VRTN: variants seen among roughly 807,000 people sequenced by gnomAD.
VRTN encodes vertebrae development associated, also known as vertnin.
In VRTN, 5 loss-of-function variants were observed where a neutral mutation model predicts 18.2. That is an observed-to-expected ratio of 0.27 (90% CI 0.14 to 0.58). The LOEUF (loss-of-function observed/expected upper bound fraction) is 0.58. Ranked by LOEUF, VRTN falls within the 20% of genes least tolerant of loss-of-function variation. The probability of loss-of-function intolerance (pLI) is 0.91; values close to 1 mark genes in which losing one functional copy is unlikely to be tolerated. For missense variants in VRTN, 741 were observed against 939.4 expected (o/e 0.79, Z 2.76); for synonymous variants, 381 against 393.7 (o/e 0.97, Z 0.38).
chr14:74,324,979 G>A (rs1379844692), intron 1 of VRTN, among the ~76,000 whole-genome samples: 4 of 151,818 alleles, frequency 2.6e-5, no homozygotes, highest in African/African-American at 9.7e-5. Flanking sequence ...TTCCCCAAAT[G>A]AGCAAACTAG....
chr14:74,315,152 G>A (rs761563924), intron 1 of VRTN, among the ~76,000 whole-genome samples: 9 of 152,186 alleles, frequency 5.9e-5, no homozygotes, highest in Non-Finnish European at 1.2e-4. Flanking sequence ...GCATGCCAAA[G>A]TGCCATACTT....
rs897041150 is a variant in VRTN at position 74,359,467 on chromosome 14, G to A, written c.*575G>A. 1 of 167,296 alleles carries A rather than the reference G, an allele frequency of 6.0e-6. No homozygotes were observed. The highest frequency in any genetic ancestry group is 1.5e-5 in the Non-Finnish European group (1 of 68,448). 10.4% of individuals were successfully genotyped at this position (167,296 alleles called of 1,614,324 possible). On this transcript the variant is annotated 3_prime_UTR_variant, in exon 2 of 2. Transcript: ENST00000256362. ...GGAGGCCAAGGCAGGAGGATCACTT[G>A]AGGCTAGGAGTTAGAGACCACCCTG...
At chr14:74,318,270 A>AT (rs78501021) in intron 1 of VRTN, among the ~76,000 whole-genome samples, 124 of 134,286 alleles carry the variant, frequency 9.2e-4, no homozygotes, top group Middle Eastern at 3.9e-3. Flanking sequence ...CGCCTGGCTA[A>AT]TTTTTTTTTT....
chr14:74,303,837 T>C (rs2085207635), intron 1 of VRTN, among the ~76,000 whole-genome samples: 1 of 145,458 alleles, frequency 6.9e-6, no homozygotes, highest in African/African-American at 2.6e-5. Context: ...CAGTTGACAA[T>C]TACAGATTTT....
chr14:74,358,317 C>A lies in VRTN; in HGVS notation c.1534C>A (p.Arg512Ser). The stretch of plus-strand genomic sequence containing the variant: ...CCTGTCCCGTTGGCAGAGGCGTCTG[C>A]GCAGGGCTGCCCGCAGGCAGGTGCT... ...MPLSRWQRRL[R>S]RAARRQVLSG... Residue 512 changes from arginine to serine, a missense_variant, in exon 2 of 2, where the codon CGC (arginine) becomes AGC (serine). By Grantham distance (110) the Arg-to-Ser change is moderately radical (BLOSUM62 -1). Transcript: ENST00000256362. This position sits in a 1 kb window ranked among gnomAD's most constrained non-coding sequence, Gnocchi z 5.4. 1 of 1,612,914 alleles carries A rather than the reference C, an allele frequency of 6.2e-7. No homozygotes were observed. Among genetic ancestry groups the A allele is most frequent in the Non-Finnish European group, 8.5e-7 (1 of 1,179,598 alleles).
upstream of VRTN, chr14:74,303,007 G>A: frequency 7.7e-7 from 1 of 1,300,132 alleles, no homozygotes; most frequent in Non-Finnish European, 1.0e-6. Flanking sequence ...CCACAGAGAC[G>A]GCGTTTGATA....
At chr14:74,311,832 G>C (rs1595162081) in intron 1 of VRTN, among the ~76,000 whole-genome samples, 1 of 151,504 alleles carries the variant, frequency 6.6e-6, no homozygotes, top group Non-Finnish European at 1.5e-5. Flanking sequence ...ACAGTGGTGC[G>C]ATCTTGGCTC....
chr14:74,326,369 G>C (rs1432853510), intron 1 of VRTN, among the ~76,000 whole-genome samples: 1 of 152,128 alleles, frequency 6.6e-6, no homozygotes, highest in Non-Finnish European at 1.5e-5. Flanking sequence ...CTGGAGAGAT[G>C]GGGGTTTGGA....
chr14:74,347,782 C>A (rs1233558980), upstream of VRTN, among the ~76,000 whole-genome samples: 4 of 152,224 alleles, frequency 2.6e-5, no homozygotes, highest in Admixed American at 2.6e-4. Flanking sequence ...GTGCCCCCAC[C>A]TTTCAGTGGG....
chr14:74,311,772 C>CTT (rs34712936), intron 1 of VRTN, among the ~76,000 whole-genome samples: 19 of 144,372 alleles, frequency 1.3e-4, no homozygotes, highest in Non-Finnish European at 2.0e-4. Context: ...CATATACAGA[C>CTT]TTTTTTTTTT....
chr14:74,344,061 G>C (rs978097316), upstream of VRTN, among the ~76,000 whole-genome samples: 1 of 150,912 alleles, frequency 6.6e-6, no homozygotes, highest in South Asian at 2.1e-4. Context: ...GCCTCCCAAA[G>C]TGCTGGGATT....
At chr14:74,351,368 TC>T (rs894775779) in intron 1 of VRTN, among the ~76,000 whole-genome samples, 1 of 152,148 alleles carries the variant, frequency 6.6e-6, no homozygotes, top group African/African-American at 2.4e-5. Flanking sequence ...AAAGCCAACT[TC>T]TAGAGTTAAA....
chr14:74,354,577 G>A (rs1213380316), intron 1 of VRTN, among the ~76,000 whole-genome samples: 1 of 151,884 alleles, frequency 6.6e-6, no homozygotes, highest in Non-Finnish European at 1.5e-5. Flanking sequence ...GCTAATTTTT[G>A]TATTTTTAGT....
upstream of VRTN, among the ~76,000 whole-genome samples, chr14:74,345,548 C>T (rs1429590696): frequency 6.6e-6 from 1 of 151,440 alleles, no homozygotes; most frequent in Non-Finnish European, 1.5e-5. Context: ...GACAAGGTTT[C>T]ACCATGTTGG....
intron 1 of VRTN, among the ~76,000 whole-genome samples, chr14:74,327,286 G>A (rs1476667112): frequency 1.3e-5 from 2 of 152,196 alleles, no homozygotes; most frequent in African/African-American, 4.8e-5. Context: ...AGTAGTGACA[G>A]GATGTGAATC....
intron 1 of VRTN, among the ~76,000 whole-genome samples, chr14:74,350,177 G>A (rs141522787): frequency 6.0e-4 from 92 of 152,160 alleles, no homozygotes; most frequent in East Asian, 6.0e-3. Context: ...AGGCTTCCCC[G>A]TGCAGCCCCT....
upstream of VRTN, among the ~76,000 whole-genome samples, chr14:74,344,407 CAAAAAAAAAA>C (rs58231760): frequency 3.6e-4 from 24 of 66,284 alleles, no homozygotes; most frequent in African/African-American, 7.6e-5. Flanking sequence ...AAGACTGTCT[CAAAAAAAAAA>C]AAAAAAAAAG....
chr14:74,340,878 G>C (rs1211085895), intron 2 of VRTN, among the ~76,000 whole-genome samples: 2 of 152,144 alleles, frequency 1.3e-5, no homozygotes, highest in African/African-American at 4.8e-5. Flanking sequence ...AGCCTCCTGA[G>C]TAGCTGGAGT....
intron 1 of VRTN, among the ~76,000 whole-genome samples, chr14:74,326,527 AAACCTT>A (rs1183897844): frequency 2.0e-5 from 3 of 152,072 alleles, no homozygotes; most frequent in Non-Finnish European, 4.4e-5. Context: ...TCTCATATCT[AAACCTT>A]CCAGCCCCAA....
Sources: allele counts gnomAD v4.1 joint callset (sites outside exome capture counted in the v4.1 genomes callset), GRCh38; gene constraint gnomAD v4.1.1; non-coding constraint Gnocchi (gnomAD v3.1); transcripts MANE v1.5; gene names NCBI Gene and HGNC (gene_info 2026-07-23, HGNC 2026-07-21).